LRRFIP2: variants seen among roughly 807,000 people sequenced by gnomAD.
The protein encoded by LRRFIP2 is leucine-rich repeat flightless-interacting protein 2.
LRRFIP2 carries 109 observed loss-of-function variants against 125.9 expected under a neutral mutation model. The observed-to-expected ratio is 0.87, with a 90% CI of 0.74 to 1.01. The LOEUF is 1.01. Among genes scored for constraint, LRRFIP2 ranks in the 50% least tolerant of loss-of-function variants. The pLI, the probability that LRRFIP2 is intolerant of heterozygous loss-of-function variation, is 0.00. For synonymous variants in LRRFIP2, 291 were observed against 293.1 expected (o/e 0.99, Z 0.07); for missense variants, 850 against 862.3 (o/e 0.99, Z 0.18).
At position 37,148,062 on chromosome 3, in the gene LRRFIP2, A is replaced by C. The variant is rs540635422; in HGVS notation, c.90+832T>G. Among the ~76,000 whole-genome samples the C allele has an allele frequency of 2.1e-3, 318 of 152,344 alleles. 2 individuals are homozygous for C. Among genetic ancestry groups the C allele is most frequent in the Non-Finnish European group, 4.0e-3 (271 of 68,028 alleles). ...AAATATTGTTTCCATCAACATTTACATACCACGTCTGAAGCATATTAACTG... is the reference window on the plus strand; with the variant it reads ...AAATATTGTTTCCATCAACATTTACCTACCACGTCTGAAGCATATTAACTG... On this transcript the variant is annotated intron_variant, in intron 2 of 27. Coordinates refer to ENST00000336686, the MANE Select transcript of LRRFIP2 (RefSeq NM_006309.4).
chr3:37,134,790 T>G lies in LRRFIP2; in HGVS notation c.91-5641A>C, dbSNP rs879043045. 36 of 817,230 alleles carry G rather than the reference T, an allele frequency of 4.4e-5. 1 individual carries two copies. The South Asian group carries it at 4.6e-4, about 11-fold the overall frequency. The allele number at this position is 817,230 out of a possible 1,614,324, so 50.6% of individuals were successfully genotyped here. The stretch of plus-strand genomic sequence containing the variant: ...AATTATGGGACCTAATGACAGCCCA[T>G]ATCAAAGCGGTGTATTCTTTTTGGC... On this transcript the variant is annotated intron_variant, in intron 2 of 27. Transcript: ENST00000336686.
At chr3:37,059,657 C>A (rs761807099) in intron 24 of LRRFIP2, among the ~76,000 whole-genome samples, 2 of 151,888 alleles carry the variant, frequency 1.3e-5, no homozygotes, top group Non-Finnish European at 2.9e-5. Flanking sequence ...CATGGTGGCA[C>A]GCGCATGTAG....
chr3:37,084,746 C>T (rs1465306650), intron 18 of LRRFIP2, among the ~76,000 whole-genome samples: 2 of 151,974 alleles, frequency 1.3e-5, no homozygotes, highest in East Asian at 3.9e-4. Context: ...CCACAAAATG[C>T]CTGGAACGTT....
At chr3:37,079,434 C>T (rs1001836788) in intron 19 of LRRFIP2, among the ~76,000 whole-genome samples, 1 of 152,118 alleles carries the variant, frequency 6.6e-6, no homozygotes, top group Non-Finnish European at 1.5e-5. Flanking sequence ...CAAGTATATA[C>T]TTAAGAAAAA....
chr3:37,081,625 T>C (rs940216335), intron 19 of LRRFIP2, among the ~76,000 whole-genome samples: 4 of 152,084 alleles, frequency 2.6e-5, no homozygotes, highest in Admixed American at 1.3e-4. Flanking sequence ...GGCTCACAAC[T>C]GTAATCTCAG....
At chr3:37,054,315 C>G in intron 27 of LRRFIP2, 96 bp downstream of exon 27, 2 of 1,006,996 alleles carry the variant, frequency 2.0e-6, no homozygotes, top group Non-Finnish European at 3.0e-6. Context: ...CTGCTGTTTC[C>G]TTAAGTATCA....
At position 37,054,458 on chromosome 3, in the gene LRRFIP2, T is replaced by C. The variant is rs752283939; in HGVS notation, c.2008A>G (p.Lys670Glu). The change falls in exon 27 of 28, where the codon AAA becomes GAA. Residue 670 changes from lysine to glutamate, a missense_variant. Transcript: ENST00000336686. ...RYKTAAENAE[K>E]VEDELKAEKR... is the part of the protein sequence containing the mutation. ...TCTGCTTTCAATTCATCTTCAACTT[T>C]CTCAGCATTCTCAGCAGCAGTTTTA... 1 of 1,613,946 alleles carries C rather than the reference T, an allele frequency of 6.2e-7. No homozygotes were observed. The highest frequency in any genetic ancestry group is 1.3e-5 in the African/African-American group (1 of 74,940).
In LRRFIP2 at chr3:37,105,620, A is replaced by G. The variant is rs570520712; in HGVS notation, c.715-97T>C. On this transcript the variant is annotated intron_variant, in intron 13 of 27. Transcript: ENST00000336686. ...AAGGAAGGTTTTGAGATGCATATGA[A>G]TAACTATATAAGCAGCATAATTGGT... 1.3e-5 allele frequency: 10 copies of G among 794,064 alleles called. No individual in the cohort carries two copies. The East Asian group carries it at 1.6e-4, about 13-fold the overall frequency. 49.2% of individuals were successfully genotyped at this position (794,064 alleles called of 1,614,324 possible).
At chr3:37,096,811 CAT>C (rs752417675) in intron 15 of LRRFIP2, 151 bp from the exon 16 acceptor site, 1 of 548,128 alleles carries the variant, frequency 1.8e-6, no homozygotes, top group Non-Finnish European at 3.2e-6. Flanking sequence ...TCCAGTTTAA[CAT>C]AAGATAAAAT....
intron 19 of LRRFIP2, among the ~76,000 whole-genome samples, chr3:37,076,455 G>A (rs760759318): frequency 2.0e-5 from 3 of 152,116 alleles, no homozygotes; most frequent in Non-Finnish European, 2.9e-5. Flanking sequence ...TGAGCCTGGG[G>A]AGGTCAAGGC....
intron 2 of LRRFIP2, among the ~76,000 whole-genome samples, chr3:37,142,246 C>A (rs1209071077): frequency 6.6e-6 from 1 of 151,314 alleles, no homozygotes; most frequent in African/African-American, 2.4e-5. Context: ...TCAGGCAATC[C>A]TCCCACCTCA....
intron 15 of LRRFIP2, among the ~76,000 whole-genome samples, chr3:37,099,517 T>C (rs1270726471): frequency 6.6e-6 from 1 of 152,190 alleles, no homozygotes; most frequent in Non-Finnish European, 1.5e-5. Flanking sequence ...CTAATTTATA[T>C]ATATACTAAC....
chr3:37,172,955 G>C (rs1408147098), intron 1 of LRRFIP2: 2 of 152,186 alleles, frequency 1.3e-5, no homozygotes, highest in Admixed American at 6.5e-5. Flanking sequence ...CACTTTGGGA[G>C]GCCAAGGCGG....
Position 37,109,672 on chromosome 3 carries a change from G to A in LRRFIP2, c.545C>T (p.Ala182Val). 1 of 1,614,014 alleles carries A rather than the reference G, an allele frequency of 6.2e-7. No homozygotes were observed. The change falls in exon 10 of 28, where the codon GCA (alanine) becomes GTA (valine). Residue 182 changes from alanine to valine, a missense_variant. Transcript: ENST00000336686. ...ACTAACCCTGTCACTCTTATATGTT[G>A]CCAGAGGGTCACTGTACAGGGAAGA... ...QSSSLYSDPLATYKSDRASPT... is the reference protein window; with the variant it reads ...QSSSLYSDPLVTYKSDRASPT...
At position 37,098,081 on chromosome 3, in the gene LRRFIP2, A is replaced by G. The variant is rs559871973; in HGVS notation, c.874-1421T>C. 2.7e-5 allele frequency among the ~76,000 whole-genome samples: 4 copies of G among 146,766 alleles called. No homozygotes were observed. In the South Asian group the frequency reaches 8.5e-4, roughly 31 times the overall value. ...TCTGAAAGTTTTTAGTGTTCTTTTT[A>G]TTACCCACACTTATGTTTATAAATA... On this transcript the variant is annotated intron_variant, in intron 15 of 27. Coordinates refer to ENST00000336686, the MANE Select transcript of LRRFIP2 (RefSeq NM_006309.4).
chr3:37,167,611 G>A (rs1219956394), intron 1 of LRRFIP2, among the ~76,000 whole-genome samples: 7 of 147,004 alleles, frequency 4.8e-5, no homozygotes, highest in African/African-American at 7.6e-5. Context: ...CCGAGATCGC[G>A]CCACTGCACT....
intron 15 of LRRFIP2, among the ~76,000 whole-genome samples, chr3:37,099,299 C>G (rs944548163): frequency 4.6e-5 from 7 of 152,168 alleles, no homozygotes; most frequent in Non-Finnish European, 8.8e-5. Context: ...TAGGATCCAA[C>G]AGCCAAGAGT....
rs1317403207 is a variant in LRRFIP2 at position 37,053,823 on chromosome 3, G to A, written c.*28C>T. The A allele has an allele frequency of 6.9e-7, 1 of 1,458,656 alleles. No individual in the cohort carries two copies. The allele number at this position is 1,458,656 out of a possible 1,614,324, so 90.4% of individuals were successfully genotyped here. Reference sequence around the variant, plus strand: ...GTCCCTCTAGGTAGGGCCCCAAGGAGCATCACCCAGGTTGAAGGGTGGTTT... The same window carrying A: ...GTCCCTCTAGGTAGGGCCCCAAGGAACATCACCCAGGTTGAAGGGTGGTTT... On this transcript the variant is annotated 3_prime_UTR_variant, in exon 28 of 28. Coordinates refer to ENST00000336686, the MANE Select transcript of LRRFIP2 (RefSeq NM_006309.4).
rs1333687160 is a variant in LRRFIP2 at position 37,103,294 on chromosome 3, T to TGGTTTAAGATA, written c.784-282_784-281insTATCTTAAACC. Among the ~76,000 whole-genome samples, 26 of 152,282 alleles carry TGGTTTAAGATA rather than the reference T, an allele frequency of 1.7e-4. No homozygotes were observed. The South Asian group carries it at 5.2e-3, about 30-fold the overall frequency. ...TACTTCCTGAGGACCAGCAAATCTC[T>TGGTTTAAGATA]CATGTTTAAGATATTTATCACCCTG... On this transcript the variant is annotated intron_variant, in intron 14 of 27. Coordinates refer to ENST00000336686, the MANE Select transcript of LRRFIP2 (RefSeq NM_006309.4).
Sources: gnomAD v4.1 joint callset for allele counts (sites outside exome capture counted in the v4.1 genomes callset) on GRCh38, gnomAD v4.1.1 for gene constraint, MANE v1.5 for transcripts, NCBI Gene and HGNC (gene_info 2026-07-23, HGNC 2026-07-21) for gene names.